The following MIER2 variants were observed in gnomAD, a reference collection of about 807,000 sequenced individuals.
The protein encoded by MIER2 is mesoderm induction early response protein 2.
MIER2 carries 30 observed loss-of-function variants against 67.6 expected under a neutral mutation model. That is an observed-to-expected ratio of 0.44 (90% CI 0.33 to 0.60). The LOEUF is 0.60. MIER2 is among the 20% of genes least tolerant of loss of function. MIER2 has a pLI of 0.02. For missense variants in MIER2, 702 were observed against 745.1 expected (o/e 0.94, Z 0.67); for synonymous variants, 372 against 312.6 (o/e 1.19, Z -2.00).
intron 7 of MIER2, among the ~76,000 whole-genome samples, chr19:325,282 A>T (rs1003018948): frequency 7.2e-5 from 11 of 152,222 alleles, no homozygotes; most frequent in Non-Finnish European, 1.5e-4. Context: ...GGGTCTCTGG[A>T]GAACCATCTA....
Position 322,281 on chromosome 19 carries a change from A to G in MIER2, c.655+3354T>C, listed in dbSNP as rs556026940. On this transcript the variant is annotated intron_variant, in intron 7 of 13. Transcript: ENST00000264819. The stretch of plus-strand genomic sequence containing the variant: ...GAAAAACAATAAATCTTCTAGAAAG[A>G]AACGTGGAAGAATATCTCCAAGAGC... Among the ~76,000 whole-genome samples the G allele has an allele frequency of 2.6e-5, 4 of 152,338 alleles. No homozygotes were observed. In the South Asian group the frequency reaches 8.3e-4, roughly 32 times the overall value.
At chr19:334,270 C>T in intron 3 of MIER2, 130 bp downstream of exon 3, 1 of 1,326,202 alleles carries the variant, frequency 7.5e-7, no homozygotes, top group African/African-American at 1.5e-5. Context: ...ACTAGGACAG[C>T]ATCTGGCACT....
At chr19:314,571 G>A (rs928306878) in intron 7 of MIER2, among the ~76,000 whole-genome samples, 4 of 152,244 alleles carry the variant, frequency 2.6e-5, no homozygotes, top group South Asian at 4.1e-4. Flanking sequence ...GGGCTGACGC[G>A]GTAACTAGCT....
intron 7 of MIER2, 63 bp from the exon 8 acceptor site, chr19:313,706 A>C: frequency 6.4e-7 from 1 of 1,566,752 alleles, no homozygotes; most frequent in Non-Finnish European, 8.6e-7. Context: ...ACACGCCAGG[A>C]CAAGCAAAGC....
chr19:336,999 C>G (rs766298671), intron 1 of MIER2, among the ~76,000 whole-genome samples: 3 of 152,078 alleles, frequency 2.0e-5, no homozygotes, highest in Non-Finnish European at 4.4e-5. Context: ...CGCACCACCA[C>G]GCCCAGCTAA....
intron 13 of MIER2, 138 bp from the exon 14 acceptor site, chr19:306,849 CCT>C: frequency 2.2e-6 from 3 of 1,391,196 alleles, no homozygotes; most frequent in Non-Finnish European, 2.0e-6. Context: ...CCCGGGGTGC[CCT>C]GAGGGGAGCT....
chr19:322,542 C>T (rs532787723), intron 7 of MIER2, among the ~76,000 whole-genome samples: 30 of 152,138 alleles, frequency 2.0e-4, no homozygotes, highest in African/African-American at 4.6e-4. Context: ...GCTTGGAGCA[C>T]GCAAAGAGAG....
intron 3 of MIER2, among the ~76,000 whole-genome samples, chr19:329,745 G>T (rs531259153): frequency 2.6e-5 from 4 of 151,964 alleles, no homozygotes; most frequent in Non-Finnish European, 5.9e-5. Context: ...AATTAGCTGG[G>T]GATGGTGGTG....
chr19:315,906 T>C (rs1466343506), intron 7 of MIER2, among the ~76,000 whole-genome samples: 1 of 151,922 alleles, frequency 6.6e-6, no homozygotes, highest in African/African-American at 2.4e-5. Flanking sequence ...GCCAAACTGG[T>C]GAAAAACAAA....
At chr19:327,019 C>G in intron 5 of MIER2, 114 bp downstream of exon 5, 1 of 1,403,834 alleles carries the variant, frequency 7.1e-7, no homozygotes, top group Non-Finnish European at 9.5e-7. Flanking sequence ...CAGGCAGACG[C>G]CCTCATCTGT....
chr19:328,464 C>T (rs1331824865), intron 3 of MIER2, among the ~76,000 whole-genome samples: 1 of 150,128 alleles, frequency 6.7e-6, no homozygotes, highest in Non-Finnish European at 1.5e-5. Flanking sequence ...ACTACATAAA[C>T]AGGCCAGACA....
In MIER2 at chr19:307,226, A is replaced by C. The variant is rs555111724; in HGVS notation, c.1509T>G (p.Ala503=). 1 of 1,592,348 alleles carries C rather than the reference A, an allele frequency of 6.3e-7. No homozygotes were observed. ...PEETVAPAQV[A]LSVTEFGLIG... The stretch of plus-strand genomic sequence containing the variant: ...TGAGTCCAAACTCGGTGACCGACAA[A>C]GCCACCTGTGCTGGGGCCACAGTCT... Residue 503 remains alanine (A), a synonymous_variant, in exon 13 of 14, where the codon GCT becomes GCG. Coordinates refer to ENST00000264819, the MANE Select transcript of MIER2 (RefSeq NM_017550.3).
chr19:326,622 C>T (rs764826022), intron 5 of MIER2, 24 bp from the exon 6 acceptor site: 3 of 1,595,788 alleles, frequency 1.9e-6, no homozygotes, highest in Non-Finnish European at 2.6e-6. Flanking sequence ...GAGGCAGGTC[C>T]CCCAGGGTCT....
rs779958430 is a variant in MIER2, at chr19:336,148, G to C, written c.35C>G (p.Pro12Arg). Residue 12 changes from proline (P) to arginine (R), a missense_variant, in exon 2 of 14, where the codon CCT (proline) becomes CGT (arginine). By Grantham distance (103) the Pro-to-Arg change is moderately radical (BLOSUM62 -2). Coordinates refer to ENST00000264819, the MANE Select transcript of MIER2 (RefSeq NM_017550.3). ...GTGCTCGAGGCAGGAGACCACGCGA[G>C]GACTCTGCCTCCCCAGCGAGGAGGC... Reference protein sequence around the residue: ...AEASSLGRQSPRVVSCLEHSL... With the variant: ...AEASSLGRQSRRVVSCLEHSL... The C allele has an allele frequency of 1.2e-6, 2 of 1,613,368 alleles. No individual in the cohort carries two copies. Among genetic ancestry groups the C allele is most frequent in the South Asian group, 1.1e-5 (1 of 91,052 alleles).
chr19:333,806 A>G (rs1490398677), intron 3 of MIER2, among the ~76,000 whole-genome samples: 2 of 149,028 alleles, frequency 1.3e-5, no homozygotes, highest in African/African-American at 5.0e-5. Context: ...CTCCCGCCTC[A>G]GCCTCCCGAG....
At chr19:311,976 C>T in intron 9 of MIER2, 37 bp from the exon 10 acceptor site, 1 of 1,592,624 alleles carries the variant, frequency 6.3e-7, no homozygotes, top group Non-Finnish European at 8.6e-7. Flanking sequence ...CAGTGGTGCC[C>T]AGGGCGGGGC....
intron 3 of MIER2, among the ~76,000 whole-genome samples, chr19:333,847 C>A (rs1177922593): frequency 6.6e-6 from 1 of 151,548 alleles, no homozygotes; most frequent in Non-Finnish European, 1.5e-5. Context: ...CGCCACTATG[C>A]CCGGCTAATT....
chr19:326,770 GAAGA>G (rs1165540371), intron 5 of MIER2, 172 bp from the exon 6 acceptor site: 1 of 611,466 alleles, frequency 1.6e-6, no homozygotes, highest in East Asian at 2.8e-5. Flanking sequence ...ATGCACCTTT[GAAGA>G]AAGAGGCCTT....
At chr19:312,163 C>A (rs372256729) in intron 9 of MIER2, 28 bp downstream of exon 9, 1 of 1,553,316 alleles carries the variant, frequency 6.4e-7, no homozygotes, top group Non-Finnish European at 8.7e-7. Context: ...GGGGCCGCAG[C>A]GGAAGGAAGG....
Sources: gnomAD v4.1 joint callset for allele counts (sites outside exome capture counted in the v4.1 genomes callset) on GRCh38, gnomAD v4.1.1 for gene constraint, MANE v1.5 for transcripts, NCBI Gene and HGNC (gene_info 2026-07-23, HGNC 2026-07-21) for gene names.